MPP7: variants seen among roughly 807,000 people sequenced by gnomAD.
MPP7 encodes the protein MAGUK p55 subfamily member 7.
A neutral mutation model predicts 76.5 loss-of-function variants in MPP7; 60 were observed. The ratio of observed to expected loss-of-function variants is 0.78; its 90% confidence interval spans 0.64 to 0.97. The LOEUF (loss-of-function observed/expected upper bound fraction) is 0.97. MPP7 is among the 50% of genes least tolerant of loss of function. The pLI, the probability that MPP7 is intolerant of heterozygous loss-of-function variation, is 0.00. For missense variants in MPP7, 641 were observed against 694.0 expected (o/e 0.92, Z 0.86); for synonymous variants, 237 against 244.5 (o/e 0.97, Z 0.29).
intron 2 of MPP7, among the ~76,000 whole-genome samples, chr10:28,326,035 T>C (rs1200866497): frequency 6.6e-6 from 1 of 151,396 alleles, no homozygotes; most frequent in Non-Finnish European, 1.5e-5. Flanking sequence ...GTAATTAAGT[T>C]AACTTTATAG....
chr10:28,150,869 A>G (rs1211065754), intron 3 of MPP7, among the ~76,000 whole-genome samples: 2 of 152,192 alleles, frequency 1.3e-5, no homozygotes, highest in Non-Finnish European at 2.9e-5. Context: ...AATCTAGCAG[A>G]AAGTTGAGAA....
chr10:28,120,144 G>A (rs765647773), intron 10 of MPP7, 50 bp downstream of exon 10: 4 of 1,561,522 alleles, frequency 2.6e-6, no homozygotes, highest in Non-Finnish European at 3.5e-6. Context: ...ATTTTGCAGA[G>A]AACAAAAGGT....
At chr10:28,170,785 G>A (rs529733837) in intron 3 of MPP7, among the ~76,000 whole-genome samples, 77 of 151,974 alleles carry the variant, frequency 5.1e-4, no homozygotes, top group African/African-American at 1.6e-3. Flanking sequence ...TGAATCTGTC[G>A]GTTTCTTCCC....
At chr10:28,216,922 T>C (rs1838327958) in intron 2 of MPP7, among the ~76,000 whole-genome samples, 1 of 152,030 alleles carries the variant, frequency 6.6e-6, no homozygotes, top group Non-Finnish European at 1.5e-5. Context: ...TCAGAGATGG[T>C]GGCAAAAAGA....
intron 1 of MPP7, among the ~76,000 whole-genome samples, chr10:28,254,004 GAAAAAAA>G (rs199511617): frequency 2.0e-3 from 184 of 92,344 alleles, no homozygotes; most frequent in Middle Eastern, 9.1e-3. Context: ...TCACAAAAAA[GAAAAAAA>G]AAAAAAAAAA....
chr10:28,084,305 T>C (rs1852903377), intron 12 of MPP7, among the ~76,000 whole-genome samples: 2 of 152,142 alleles, frequency 1.3e-5, no homozygotes, highest in Non-Finnish European at 2.9e-5. Flanking sequence ...AAGAAGGCAA[T>C]GGCAACTGAA....
At position 28,051,975 on chromosome 10, in the gene MPP7, T is replaced by G. The variant is rs547201587; in HGVS notation, c.*2090A>C. On this transcript the variant is annotated 3_prime_UTR_variant, in exon 17 of 17. Transcript: ENST00000683449. Reference sequence around the variant, plus strand: ...ATTATTTAAAAAATATTGTTCTAGCTCTGCGCTTAAGGTCTGGACCTTTCT... The same window carrying G: ...ATTATTTAAAAAATATTGTTCTAGCGCTGCGCTTAAGGTCTGGACCTTTCT... The G allele has an allele frequency of 1.3e-5, 2 of 152,132 alleles. No individual in the cohort carries two copies. The highest frequency in any genetic ancestry group is 4.8e-5 in the African/African-American group (2 of 41,530). The allele number at this position is 152,132 out of a possible 1,614,324, so 9.4% of individuals were successfully genotyped here. A position where few individuals can be genotyped will look rare whatever the true frequency, so the allele number is the denominator to read the frequency against.
Position 28,071,243 on chromosome 10 carries a change from G to C in MPP7, c.1124-1391C>G, listed in dbSNP as rs567227299. Among the ~76,000 whole-genome samples the C allele has an allele frequency of 1.4e-4, 22 of 152,266 alleles. No individual in the cohort carries two copies. The East Asian group carries it at 1.5e-3, about 11-fold the overall frequency. On this transcript the variant is annotated intron_variant, in intron 12 of 16. Coordinates refer to ENST00000683449, the MANE Select transcript of MPP7 (RefSeq NM_001318170.2). ...GTCACAGGAGGCTTTGAAAGAATAA[G>C]GTTTTACACCATACAATGGAGAACA...
At chr10:28,195,868 T>C (rs1017993019) in intron 3 of MPP7, among the ~76,000 whole-genome samples, 1 of 152,192 alleles carries the variant, frequency 6.6e-6, no homozygotes, top group Non-Finnish European at 1.5e-5. Flanking sequence ...ATTTTGGCAA[T>C]GGTTGCACAA....
chr10:28,333,172 T>C (rs1477348093), intron 1 of MPP7, among the ~76,000 whole-genome samples: 3 of 152,158 alleles, frequency 2.0e-5, no homozygotes, highest in Admixed American at 2.0e-4. Flanking sequence ...AGACAGAGAG[T>C]GTCACTCTGT....
At chr10:28,247,875 G>A (rs2132824726) in intron 1 of MPP7, among the ~76,000 whole-genome samples, 1 of 152,222 alleles carries the variant, frequency 6.6e-6, no homozygotes, top group East Asian at 1.9e-4. Flanking sequence ...ACCTTTTAAT[G>A]TCACTTTCTT....
chr10:28,082,006 C>T (rs1852786589), intron 12 of MPP7, among the ~76,000 whole-genome samples: 1 of 152,098 alleles, frequency 6.6e-6, no homozygotes, highest in Non-Finnish European at 1.5e-5. Flanking sequence ...CCTGCCTCAG[C>T]CTCCCAAAAA....
At chr10:28,317,290 G>A (rs1201422294) in intron 2 of MPP7, among the ~76,000 whole-genome samples, 2 of 152,158 alleles carry the variant, frequency 1.3e-5, no homozygotes, top group Non-Finnish European at 2.9e-5. Context: ...CACTTTGGGA[G>A]GCCAGGATGG....
At chr10:28,209,218 C>T (rs1483707871) in intron 2 of MPP7, among the ~76,000 whole-genome samples, 1 of 152,084 alleles carries the variant, frequency 6.6e-6, no homozygotes, top group Non-Finnish European at 1.5e-5. Context: ...AAGAACGACC[C>T]AACACAGAGG....
At chr10:28,069,669 A>C (rs1241054950) in intron 13 of MPP7, 103 bp downstream of exon 13, 16 of 966,734 alleles carry the variant, frequency 1.7e-5, no homozygotes, top group Admixed American at 2.7e-5. Flanking sequence ...CCATGTACCC[A>C]AAAAATTTTA....
chr10:28,145,867 T>G (rs1835686945), intron 5 of MPP7, among the ~76,000 whole-genome samples: 1 of 152,234 alleles, frequency 6.6e-6, no homozygotes, highest in Admixed American at 6.5e-5. Flanking sequence ...CAAATGGCCC[T>G]TCTTAATAAC....
chr10:28,272,914 T>TTTTG (rs1220976549), intron 1 of MPP7, among the ~76,000 whole-genome samples: 3 of 152,044 alleles, frequency 2.0e-5, no homozygotes, highest in Non-Finnish European at 4.4e-5. Flanking sequence ...GGTTTGTTTT[T>TTTTG]TTTGTTTGTT....
chr10:28,291,343 C>T (rs1457201925), intron 1 of MPP7, among the ~76,000 whole-genome samples: 2 of 152,200 alleles, frequency 1.3e-5, no homozygotes, highest in Non-Finnish European at 2.9e-5. Context: ...CGGTGGCTCA[C>T]GCCTGTAATC....
At chr10:28,193,208 G>GT (rs1564691376) in intron 3 of MPP7, among the ~76,000 whole-genome samples, 10 of 140,544 alleles carry the variant, frequency 7.1e-5, no homozygotes, top group African/African-American at 2.3e-4. Flanking sequence ...TGTTTGGTTG[G>GT]TTTTTTGTTT....
Sources: gnomAD v4.1 joint callset for allele counts (sites outside exome capture counted in the v4.1 genomes callset) on GRCh38, gnomAD v4.1.1 for gene constraint, MANE v1.5 for transcripts, NCBI Gene and HGNC (gene_info 2026-07-23, HGNC 2026-07-21) for gene names.